Variants in PDE4D observed in about 807,000 individuals in gnomAD.
PDE4D encodes phosphodiesterase 4D.
PDE4D carries 24 observed loss-of-function variants against 87.4 expected under a neutral mutation model. The ratio of observed to expected loss-of-function variants is 0.27; its 90% CI spans 0.20 to 0.39. The LOEUF (loss-of-function observed/expected upper bound fraction) is 0.39. PDE4D is among the 10% of genes least tolerant of loss of function. The pLI, the probability that PDE4D is intolerant of heterozygous loss-of-function variation, is 1.00. For missense variants in PDE4D, 714 were observed against 1,041.0 expected (o/e 0.69, Z 4.32); for synonymous variants, 384 against 383.2 (o/e 1.00, Z -0.02).
intron 5 of PDE4D, among the ~76,000 whole-genome samples, chr5:59,128,165 C>T (rs1775763708): frequency 1.3e-5 from 2 of 152,094 alleles, no homozygotes; most frequent in South Asian, 4.2e-4. Context: ...GTGGCTAAGA[C>T]CCTCTTGTGT....
Position 59,215,899 on chromosome 5 carries a change from C to T in PDE4D, c.525G>A (p.Gly175=). 6.2e-7 allele frequency: 1 copy of T among 1,613,526 alleles called. No individual in the cohort carries two copies. The highest frequency in any genetic ancestry group is 8.5e-7 in the Non-Finnish European group (1 of 1,179,608). ...GGACAAAATTTGCTTGGAGAATTAG[C>T]CCGGATCCTGGGCTGGTCATGGGAT... The part of the protein sequence containing the change: ...PLDPMTSPGS[G]LILQANFVHS... Residue 175 remains glycine (G), a synonymous_variant, in exon 2 of 15, where the codon GGG becomes GGA. Coordinates refer to ENST00000340635, the MANE Select transcript of PDE4D (RefSeq NM_001104631.2).
chr5:58,996,411 C>T (rs1240269739), intron 6 of PDE4D, among the ~76,000 whole-genome samples: 1 of 152,134 alleles, frequency 6.6e-6, no homozygotes, highest in African/African-American at 2.4e-5. Context: ...ATCTCTTTGA[C>T]CTAAAATTGT....
chr5:59,897,815 ATG>A (rs1056674849), upstream of PDE4D, among the ~76,000 whole-genome samples: 1 of 152,182 alleles, frequency 6.6e-6, no homozygotes, highest in African/African-American at 2.4e-5. Flanking sequence ...TCATCATCAT[ATG>A]TGTTACAAAA....
At chr5:59,542,097 C>T (rs1816454127) in intron 1 of PDE4D, among the ~76,000 whole-genome samples, 1 of 152,142 alleles carries the variant, frequency 6.6e-6, no homozygotes. Flanking sequence ...GATACTATTT[C>T]TCAAATGACT....
At chr5:59,157,435 A>C (rs1226163275) in intron 5 of PDE4D, 1 of 696,612 alleles carries the variant, frequency 1.4e-6, no homozygotes, top group Non-Finnish European at 2.6e-6. Context: ...TTACTGGGAT[A>C]AGAGTTACTA....
At chr5:60,121,803 C>T (rs1301461822) in intron 2 of PDE4D, among the ~76,000 whole-genome samples, 1 of 152,164 alleles carries the variant, frequency 6.6e-6, no homozygotes, top group Non-Finnish European at 1.5e-5. Context: ...AGTCTTAACT[C>T]ATTTCAGCAT....
At chr5:60,066,180 G>A (rs1477578167) in intron 2 of PDE4D, among the ~76,000 whole-genome samples, 5 of 152,092 alleles carry the variant, frequency 3.3e-5, no homozygotes, top group South Asian at 2.1e-4. Flanking sequence ...TTTCTCTGAC[G>A]GCCAGTGATG....
At chr5:59,655,761 G>A (rs1213854148) in intron 1 of PDE4D, among the ~76,000 whole-genome samples, 2 of 151,918 alleles carry the variant, frequency 1.3e-5, no homozygotes, top group Non-Finnish European at 2.9e-5. Flanking sequence ...TTTCTCCCTT[G>A]GACACCCCCA....
chr5:59,990,933 C>G (rs1036175279), intron 2 of PDE4D, among the ~76,000 whole-genome samples: 9 of 152,148 alleles, frequency 5.9e-5, no homozygotes, highest in Admixed American at 1.3e-4. Flanking sequence ...TGTCAGGATC[C>G]AAACCCAAAT....
At chr5:60,044,956 G>A (rs1335530086) in intron 2 of PDE4D, among the ~76,000 whole-genome samples, 5 of 152,238 alleles carry the variant, frequency 3.3e-5, no homozygotes, top group Admixed American at 1.3e-4. Context: ...TTCCACAATG[G>A]TTGAACTAGT....
At chr5:59,998,847 A>G (rs565946361) in intron 2 of PDE4D, among the ~76,000 whole-genome samples, 1 of 152,248 alleles carries the variant, frequency 6.6e-6, no homozygotes, top group East Asian at 1.9e-4. Flanking sequence ...AGTATGTGTC[A>G]ATATGTGTTA....
At chr5:60,364,436 T>C (rs1398658968) in intron 1 of PDE4D, among the ~76,000 whole-genome samples, 1 of 152,178 alleles carries the variant, frequency 6.6e-6, no homozygotes, top group African/African-American at 2.4e-5. Flanking sequence ...ATTAGAAAAA[T>C]AATCAACTCT....
intron 1 of PDE4D, among the ~76,000 whole-genome samples, chr5:59,461,485 T>C (rs999156581): frequency 6.6e-6 from 1 of 152,158 alleles, no homozygotes; most frequent in Non-Finnish European, 1.5e-5. Flanking sequence ...AACACAGTCA[T>C]TTGGTAATTA....
At chr5:60,441,414 T>C (rs1210871603) in intron 1 of PDE4D, among the ~76,000 whole-genome samples, 1 of 152,138 alleles carries the variant, frequency 6.6e-6, no homozygotes, top group Non-Finnish European at 1.5e-5. Context: ...GACCCCTTCC[T>C]TACCCCTTAT....
At chr5:60,364,054 C>T (rs917575886) in intron 1 of PDE4D, among the ~76,000 whole-genome samples, 1 of 152,164 alleles carries the variant, frequency 6.6e-6, no homozygotes, top group Admixed American at 6.5e-5. Flanking sequence ...GCAAATATCA[C>T]TCCAGAAGCC....
intron 6 of PDE4D, among the ~76,000 whole-genome samples, chr5:59,031,385 ATATATATTATATAT>A (rs1376435032): frequency 2.2e-4 from 17 of 75,624 alleles, no homozygotes; most frequent in African/African-American, 1.2e-3. Flanking sequence ...ATATATATAT[ATATATATTATATAT>A]ATATATATAT....
At chr5:59,826,543 C>A (rs946800837) in intron 1 of PDE4D, among the ~76,000 whole-genome samples, 1 of 151,832 alleles carries the variant, frequency 6.6e-6, no homozygotes, top group African/African-American at 2.4e-5. Context: ...TTCTAGGGTA[C>A]CTGTGCACAA....
chr5:59,120,400 A>G (rs1483538240), intron 5 of PDE4D, among the ~76,000 whole-genome samples: 2 of 152,184 alleles, frequency 1.3e-5, no homozygotes, highest in Non-Finnish European at 2.9e-5. Flanking sequence ...TTCATTGATT[A>G]AATACATATG....
At chr5:60,320,854 A>C (rs1298482344) in intron 1 of PDE4D, among the ~76,000 whole-genome samples, 2 of 152,210 alleles carry the variant, frequency 1.3e-5, no homozygotes, top group Admixed American at 1.3e-4. Flanking sequence ...AGGGAGGTGA[A>C]AAATCTCTAC....
Sources: gnomAD v4.1 joint callset for allele counts (sites outside exome capture counted in the v4.1 genomes callset) on GRCh38, gnomAD v4.1.1 for gene constraint, MANE v1.5 for transcripts, NCBI Gene and HGNC (gene_info 2026-07-23, HGNC 2026-07-21) for gene names.